The following CCDC171 variants were observed in gnomAD, a reference collection of about 807,000 sequenced individuals.
CCDC171 encodes coiled-coil domain-containing protein 171.
Under a neutral mutation model 168.2 loss-of-function variants are expected in CCDC171, and 177 were observed. That is an observed-to-expected ratio of 1.05 (90% CI 0.93 to 1.19). The LOEUF (loss-of-function observed/expected upper bound fraction) is 1.19. CCDC171 is among the 50% of genes most tolerant of loss of function. The probability of loss-of-function intolerance (pLI) is 0.00; values close to 1 mark genes in which losing one functional copy is unlikely to be tolerated. For missense variants in CCDC171, 1,991 were observed against 1,539.0 expected, an observed-to-expected ratio of 1.29 and a Z score of -4.91; for synonymous variants, 687 against 540.8, an observed-to-expected ratio of 1.27 and a Z score of -3.75.
chr9:15,981,332 C>G (rs1040970217), intron 3 of CCDC171, among the ~76,000 whole-genome samples: 1 of 152,138 alleles, frequency 6.6e-6, no homozygotes, highest in Admixed American at 6.6e-5. Flanking sequence ...CATAAGGACA[C>G]AGTGAGAAGG....
At chr9:15,853,268 TG>T (rs2061212333) in intron 23 of CCDC171, among the ~76,000 whole-genome samples, 1 of 151,700 alleles carries the variant, frequency 6.6e-6, no homozygotes, top group African/African-American at 2.4e-5. Context: ...AGATGTTTTG[TG>T]GTTTTCAGTG....
intron 3 of CCDC171, among the ~76,000 whole-genome samples, chr9:16,015,602 T>A (rs922710503): frequency 6.6e-6 from 1 of 152,214 alleles, no homozygotes; most frequent in East Asian, 1.9e-4. Flanking sequence ...TCAAATTTTT[T>A]AAATACTTTT....
rs1346766604 is a variant in CCDC171, at chr9:15,591,527, G to C, written c.514G>C (p.Glu172Gln). The C allele has an allele frequency of 6.3e-7, 1 of 1,580,564 alleles. No homozygotes were observed. The highest frequency in any genetic ancestry group is 8.6e-7 in the Non-Finnish European group (1 of 1,166,206). ...CNREYDLLMK[E>Q]KSRLEKTLQE... ...TCGAGAATATGATTTACTTATGAAA[G>C]AAAAAAGCAGACTAGAGAAAACTCT... The change falls in exon 5 of 26, where the codon GAA (glutamate) becomes CAA (glutamine). Residue 172 changes from glutamate to glutamine, a missense_variant. Glu to Gln is a conservative substitution (Grantham distance 29). Transcript: ENST00000380701.
intron 23 of CCDC171, among the ~76,000 whole-genome samples, chr9:15,873,487 T>A (rs1000059012): frequency 1.3e-5 from 2 of 152,056 alleles, no homozygotes; most frequent in African/African-American, 4.8e-5. Flanking sequence ...TTCTGTGGCA[T>A]TGAGCTAATT....
chr9:15,806,872 A>AT (rs2059107986), intron 21 of CCDC171, among the ~76,000 whole-genome samples: 1 of 151,606 alleles, frequency 6.6e-6, no homozygotes. Context: ...TAATTTGTAG[A>AT]TTTTGCTTCT....
At chr9:15,631,950 G>A (rs568296721) in intron 7 of CCDC171, among the ~76,000 whole-genome samples, 4,293 of 152,120 alleles carry the variant, frequency 0.028, 197 homozygotes, top group African/African-American at 0.099. Flanking sequence ...TGCAGAAAAG[G>A]CCTTTGACAA....
At chr9:15,575,060 G>A (rs2040530592) in intron 3 of CCDC171, among the ~76,000 whole-genome samples, 1 of 151,824 alleles carries the variant, frequency 6.6e-6, no homozygotes, top group South Asian at 2.1e-4. Context: ...AAGACCGTGA[G>A]GCTATTCAGA....
chr9:15,844,098 T>C (rs1044404970), intron 21 of CCDC171, among the ~76,000 whole-genome samples: 1 of 152,134 alleles, frequency 6.6e-6, no homozygotes, highest in Non-Finnish European at 1.5e-5. Flanking sequence ...TTTCACAATC[T>C]ACCCTGGTTG....
rs538342976 is a variant in CCDC171 at position 15,628,334 on chromosome 9, G to A, written c.822+4921G>A. 5.0e-4 allele frequency among the ~76,000 whole-genome samples: 76 copies of A among 152,266 alleles called. 2 individuals are homozygous for A. The South Asian group carries it at 0.015, about 31-fold the overall frequency. ...CGGGTCACTCCCACCCCAATACTGC[G>A]CTTTTCCGACGGGCTTAAAAAACGG... On this transcript the variant is annotated intron_variant, in intron 7 of 25. Coordinates refer to ENST00000380701, the MANE Select transcript of CCDC171 (RefSeq NM_173550.4).
chr9:15,617,983 G>T (rs1231277662), intron 6 of CCDC171, among the ~76,000 whole-genome samples: 1 of 152,066 alleles, frequency 6.6e-6, no homozygotes, highest in Non-Finnish European at 1.5e-5. Flanking sequence ...AGGCAGGGGG[G>T]TCAGGGACCC....
intron 7 of CCDC171, among the ~76,000 whole-genome samples, chr9:15,639,153 A>G (rs546371529): frequency 6.6e-6 from 1 of 152,072 alleles, no homozygotes; most frequent in East Asian, 1.9e-4. Flanking sequence ...ATAATTGTTG[A>G]TAAAGACCAC....
intron 4 of CCDC171, among the ~76,000 whole-genome samples, chr9:15,588,031 T>C (rs2041698402): frequency 6.6e-6 from 1 of 151,940 alleles, no homozygotes; most frequent in Non-Finnish European, 1.5e-5. Flanking sequence ...GGTCAGAAGT[T>C]CAAGACCAGC....
intron 6 of CCDC171, among the ~76,000 whole-genome samples, 195 bp from the exon 7 acceptor site, chr9:15,623,071 AC>A (rs1031985667): frequency 6.6e-6 from 1 of 152,194 alleles, no homozygotes; most frequent in African/African-American, 2.4e-5. Flanking sequence ...GAATTCTAAA[AC>A]TTCAGTATTG....
At chr9:15,655,118 C>G (rs1305016473) in intron 7 of CCDC171, among the ~76,000 whole-genome samples, 3 of 151,780 alleles carry the variant, frequency 2.0e-5, no homozygotes, top group Non-Finnish European at 4.4e-5. Context: ...ACCAACATGG[C>G]ACATGTATAC....
In CCDC171 at chr9:16,050,235, A is replaced by G. The variant is rs186917886; in HGVS notation, n.89+7349A>G. 3.4e-3 allele frequency among the ~76,000 whole-genome samples: 520 copies of G among 152,328 alleles called. 3 individuals carry two copies. Among genetic ancestry groups the G allele is most frequent in the African/African-American group, 0.012 (505 of 41,580 alleles). On this transcript the variant is annotated intron_variant and non_coding_transcript_variant, in intron 1 of 1. Transcript: ENST00000478913. The stretch of plus-strand genomic sequence containing the variant: ...CAATGGAAGATCTGTATAATTGTTG[A>G]TAAGTCAAGTGTATGAGGCTACTTA...
At position 15,846,829 on chromosome 9, in the gene CCDC171, C is replaced by T. The variant is rs1431737574; in HGVS notation, c.3395C>T (p.Ala1132Val). ...LEENIHDAESALRMAAKDKEC... is the reference protein window; with the variant it reads ...LEENIHDAESVLRMAAKDKEC... ...GAGAACATCCATGATGCAGAGAGTG[C>T]CCTCCGCATGGCAGCCAAGTGAGCA... The change falls in exon 22 of 26, where the codon GCC becomes GTC. Residue 1132 changes from alanine (A) to valine (V), a missense_variant. Coordinates refer to ENST00000380701, the MANE Select transcript of CCDC171 (RefSeq NM_173550.4). The T allele has an allele frequency of 1.2e-6, 2 of 1,607,362 alleles. No individual in the cohort carries two copies. Among genetic ancestry groups the T allele is most frequent in the Admixed American group, 1.7e-5 (1 of 59,184 alleles).
At chr9:15,922,843 C>G (rs1048816478) in intron 25 of CCDC171, among the ~76,000 whole-genome samples, 8 of 151,396 alleles carry the variant, frequency 5.3e-5, no homozygotes, top group African/African-American at 1.9e-4. Context: ...TTTTCATACA[C>G]AAGTCCATTT....
At chr9:16,010,714 T>G (rs1016074879) in intron 3 of CCDC171, among the ~76,000 whole-genome samples, 2 of 150,516 alleles carry the variant, frequency 1.3e-5, no homozygotes, top group African/African-American at 4.9e-5. Flanking sequence ...GATAATAGTG[T>G]AGTGTTATTT....
Position 15,971,874 on chromosome 9 carries a change from A to G in CCDC171, c.*38A>G. The G allele has an allele frequency of 6.6e-7, 1 of 1,519,282 alleles. No individual in the cohort carries two copies. Among genetic ancestry groups the G allele is most frequent in the African/African-American group, 1.4e-5 (1 of 72,722 alleles). 94.1% of individuals were successfully genotyped at this position (1,519,282 alleles called of 1,614,324 possible). On this transcript the variant is annotated 3_prime_UTR_variant, in exon 26 of 26. Transcript: ENST00000380701. ...AAAAAATGGAGGAAGAGTTAACAGT[A>G]CAATTAAAATTGTTTTGAATGGGAA... is the stretch of plus-strand genomic sequence containing the variant.
Sources: gnomAD v4.1 joint callset for allele counts (sites outside exome capture counted in the v4.1 genomes callset) on GRCh38, gnomAD v4.1.1 for gene constraint, MANE v1.5 for transcripts, NCBI Gene and HGNC (gene_info 2026-07-23, HGNC 2026-07-21) for gene names.